LZTR1: variants seen among roughly 807,000 people sequenced by gnomAD.
LZTR1 encodes the protein leucine zipper like post translational regulator 1, also known as leucine-zipper-like transcriptional regulator 1.
In LZTR1, 260 loss-of-function variants were observed where a neutral mutation model predicts 105.7. The observed-to-expected ratio is 2.46, with a 90% CI of 2.22 to 2.72. The LOEUF (loss-of-function observed/expected upper bound fraction) is 2.72. LZTR1 is among the 30% of genes most tolerant of loss of function. LZTR1 has a pLI of 0.00. For missense variants in LZTR1, 1,214 were observed against 1,166.9 expected (o/e 1.04, Z -0.59); for synonymous variants, 490 against 476.4 (o/e 1.03, Z -0.37).
intron 16 of LZTR1, 164 bp downstream of exon 16, chr22:20,995,190 C>T (rs1924786406): frequency 2.6e-6 from 2 of 772,296 alleles, no homozygotes; most frequent in African/African-American, 1.7e-5. Context: ...CAGATGAAGG[C>T]AGAAGCCCCC....
intron 2 of LZTR1, among the ~76,000 whole-genome samples, chr22:20,984,178 C>T (rs1224731966): frequency 6.6e-6 from 1 of 152,238 alleles, no homozygotes; most frequent in Non-Finnish European, 1.5e-5. Flanking sequence ...ATACCTCTTA[C>T]CATCTTCATT....
chr22:20,992,505 A>C, intron 10 of LZTR1, 136 bp downstream of exon 10: 5 of 1,036,736 alleles, frequency 4.8e-6, no homozygotes, highest in Non-Finnish European at 6.9e-6. Context: ...GTACAGGGCC[A>C]AGGGCCCTCA....
intron 10 of LZTR1, 123 bp downstream of exon 10, chr22:20,992,492 G>A (rs1020519693): frequency 1.7e-6 from 2 of 1,166,424 alleles, no homozygotes; most frequent in South Asian, 3.0e-5. Context: ...CACCACAAAG[G>A]GGGTACAGGG....
At chr22:20,996,271 C>T in intron 18 of LZTR1, 159 bp downstream of exon 18, 1 of 785,688 alleles carries the variant, frequency 1.3e-6, no homozygotes, top group Non-Finnish European at 2.0e-6. Flanking sequence ...GCCTGGTGCT[C>T]TCTGAAGCAG....
intron 3 of LZTR1, 116 bp downstream of exon 3, chr22:20,986,013 C>T: frequency 1.8e-6 from 2 of 1,131,760 alleles, no homozygotes; most frequent in Non-Finnish European, 2.6e-6. Flanking sequence ...AAGAAGCTTC[C>T]AGGAGGAGAT....
rs1372731834 is a variant in LZTR1, at chr22:20,991,737, G to A, written c.901G>A (p.Gly301Ser). 6.4e-7 allele frequency: 1 copy of A among 1,574,786 alleles called. No individual in the cohort carries two copies. The highest frequency in any genetic ancestry group is 2.3e-5 in the East Asian group (1 of 43,010). The change falls in exon 9 of 21, where the codon GGT becomes AGT. Residue 301 changes from glycine (G) to serine (S), a missense_variant. Coordinates refer to ENST00000646124, the MANE Select transcript of LZTR1 (RefSeq NM_006767.4). ...AFDRHLYVFG[G>S]AADNTLPNEL... ...TGACCGCCACCTCTATGTGTTTGGG[G>A]GTGCGGCCGACAACACGCTGCCCAA... is the stretch of plus-strand genomic sequence containing the variant.
In LZTR1 at chr22:20,989,530, G is replaced by GT; in HGVS notation, c.594-94dup. 7 of 987,940 alleles carry GT rather than the reference G, an allele frequency of 7.1e-6. No individual in the cohort carries two copies. The South Asian group carries it at 8.9e-5, about 13-fold the overall frequency. 61.2% of individuals were successfully genotyped at this position (987,940 alleles called of 1,614,324 possible). ...CACAAGTCTCCTACCCTGTGTGGGG[G>GT]TGGGGCTCCTCCCTGCAGCCATCCC... On this transcript the variant is annotated intron_variant, in intron 6 of 20. Coordinates refer to ENST00000646124, the MANE Select transcript of LZTR1 (RefSeq NM_006767.4).
intron 10 of LZTR1, chr22:20,992,577 C>G: frequency 1.5e-6 from 1 of 660,880 alleles, no homozygotes; most frequent in Non-Finnish European, 2.6e-6. Flanking sequence ...AGTGCCCTGA[C>G]CACTCTGAGG....
Position 20,991,724 on chromosome 22 carries a change from CTA to C in LZTR1, c.890_891del (p.Tyr297CysfsTer18), listed in dbSNP as rs767445373. On this transcript the variant is annotated frameshift_variant, in exon 9 of 21. Transcript: ENST00000646124. LOFTEE classifies it high-confidence loss of function. Reference protein sequence around the residue: ...HTMVAFDRHLYVFGGAADNTL... With the variant: ...HTMVAFDRHLXVFGGAADNTL... ...CCATGGTGGCCTTTGACCGCCACCTCTATGTGTTTGGGGGTGCGGCCGACAAC... is the reference window on the plus strand; with the variant it reads ...CCATGGTGGCCTTTGACCGCCACCTCTGTGTTTGGGGGTGCGGCCGACAAC... 1.6e-5 allele frequency: 25 copies of C among 1,584,802 alleles called. No homozygotes were observed. Among genetic ancestry groups the C allele is most frequent in the African/African-American group, 6.7e-5 (5 of 74,530 alleles).
Position 20,997,087 on chromosome 22 carries a change from A to C in LZTR1, c.2406+121A>C, listed in dbSNP as rs762237189. 4 of 1,183,610 alleles carry C rather than the reference A, an allele frequency of 3.4e-6. No homozygotes were observed. The South Asian group carries it at 5.1e-5, about 15-fold the overall frequency. 73.3% of individuals were successfully genotyped at this position (1,183,610 alleles called of 1,614,324 possible). On this transcript the variant is annotated intron_variant, in intron 20 of 20. Transcript: ENST00000646124. ...GGTGGGCCCTGGGGGTGAGAGAAGC[A>C]GAGCAGCCCATCACTGGCCGCACCT...
chr22:20,993,495 T>A lies in LZTR1; in HGVS notation c.1261-167T>A, dbSNP rs910111024. 6 of 611,196 alleles carry A rather than the reference T, an allele frequency of 9.8e-6. No homozygotes were observed. In the African/African-American group the frequency reaches 1.1e-4, roughly 11 times the overall value. 37.9% of individuals were successfully genotyped at this position (611,196 alleles called of 1,614,324 possible). On this transcript the variant is annotated intron_variant, in intron 11 of 20. Coordinates refer to ENST00000646124, the MANE Select transcript of LZTR1 (RefSeq NM_006767.4). ...TGCTGAGGCTGGAGCCAGGCTGTAT[T>A]TTCAGGGTGGGGTAGCGGCTGCTTC...
chr22:20,988,918 G>C, intron 6 of LZTR1, 46 bp downstream of exon 6: 1 of 1,549,734 alleles, frequency 6.5e-7, no homozygotes, highest in Non-Finnish European at 8.9e-7. Context: ...ACAGCACTGA[G>C]ACCCGGAGCA....
intron 9 of LZTR1, 108 bp downstream of exon 9, chr22:20,991,937 C>T: frequency 9.1e-7 from 1 of 1,099,998 alleles, no homozygotes; most frequent in South Asian, 1.6e-5. Context: ...TTCCAGACAG[C>T]TACCAGGAGC....
At position 20,992,354 on chromosome 22, in the gene LZTR1, C is replaced by G. The variant is rs760758594; in HGVS notation, c.1134C>G (p.Thr378=). 11 of 1,613,592 alleles carry G rather than the reference C, an allele frequency of 6.8e-6. No individual in the cohort carries two copies. Among genetic ancestry groups the G allele is most frequent in the Non-Finnish European group, 9.3e-6 (11 of 1,179,836 alleles). ...GCACCACCTCAGCCAAGCAGCCCACCCAGCCTGCCTCGGAGGTACAGGCTG... is the reference window on the plus strand; with the variant it reads ...GCACCACCTCAGCCAAGCAGCCCACGCAGCCTGCCTCGGAGGTACAGGCTG... ...DFGTTSAKQP[T]QPASELPSGR... Residue 378 remains threonine, a synonymous_variant, in exon 10 of 21, where the codon ACC becomes ACG. Coordinates refer to ENST00000646124, the MANE Select transcript of LZTR1 (RefSeq NM_006767.4).
chr22:20,993,295 G>T, intron 11 of LZTR1: 2 of 443,124 alleles, frequency 4.5e-6, no homozygotes, highest in South Asian at 2.7e-5. Context: ...GCCACAGTGA[G>T]GTCAGGGCCA....
At chr22:20,994,404 C>T (rs1296061363) in intron 14 of LZTR1, 135 bp downstream of exon 14, 2 of 1,262,596 alleles carry the variant, frequency 1.6e-6, no homozygotes, top group Non-Finnish European at 2.2e-6. Context: ...CCCTCCTTAC[C>T]CATGATCACT....
rs1924991079 is a variant in LZTR1, at chr22:20,998,865, C to A, written c.*1517C>A. On this transcript the variant is annotated 3_prime_UTR_variant, in exon 21 of 21. Transcript: ENST00000646124. ...ACCCAGTTTCCACAAGATGTGGCTC[C>A]TGCCACACCCACAGGGCAGCCTCCT... is the stretch of plus-strand genomic sequence containing the variant. 1 of 152,312 alleles carries A rather than the reference C, an allele frequency of 6.6e-6. No homozygotes were observed. The highest frequency in any genetic ancestry group is 2.4e-5 in the African/African-American group (1 of 41,466). 9.4% of individuals were successfully genotyped at this position (152,312 alleles called of 1,614,324 possible). A position where few individuals can be genotyped will look rare whatever the true frequency, so the allele number is the denominator to read the frequency against.
intron 7 of LZTR1, among the ~76,000 whole-genome samples, chr22:20,989,956 T>A (rs1255651907): frequency 6.6e-6 from 1 of 152,194 alleles, no homozygotes; most frequent in African/African-American, 2.4e-5. Flanking sequence ...GTGCTTTGGA[T>A]GGGCAGAGTG....
At chr22:20,987,951 GGTTT>G in intron 4 of LZTR1, 55 bp from the exon 5 acceptor site, 2 of 1,031,698 alleles carry the variant, frequency 1.9e-6, no homozygotes, top group Non-Finnish European at 3.0e-6. Context: ...CACCTTCCAG[GGTTT>G]GAAATCTCCA....
Sources: gnomAD v4.1 joint callset for allele counts (sites outside exome capture counted in the v4.1 genomes callset) on GRCh38, gnomAD v4.1.1 for gene constraint, MANE v1.5 for transcripts, NCBI Gene and HGNC (gene_info 2026-07-23, HGNC 2026-07-21) for gene names.